ESRRB: variants seen among roughly 807,000 people sequenced by gnomAD.
ESRRB encodes steroid hormone receptor ERR2.
In ESRRB, 16 loss-of-function variants were observed where a neutral mutation model predicts 46.0. The observed-to-expected ratio is 0.35, with a 90% CI of 0.24 to 0.53. The LOEUF is 0.53. Ranked by LOEUF, ESRRB falls within the 20% of genes least tolerant of loss-of-function variation. The probability of loss-of-function intolerance (pLI) is 0.93; values close to 1 mark genes in which losing one functional copy is unlikely to be tolerated. For missense variants in ESRRB, 488 were observed against 607.4 expected, an observed-to-expected ratio of 0.80 and a Z score of 2.07; for synonymous variants, 246 against 259.6, an observed-to-expected ratio of 0.95 and a Z score of 0.50.
At position 76,498,844 on chromosome 14, in the gene ESRRB, C is replaced by T. The variant is rs748591843; in HGVS notation, c.*386C>T. 1.8e-6 allele frequency: 1 copy of T among 548,692 alleles called. No individual in the cohort carries two copies. The highest frequency in any genetic ancestry group is 1.9e-5 in the African/African-American group (1 of 52,498). The allele number at this position is 548,692 out of a possible 1,614,324, so 34.0% of individuals were successfully genotyped here. On this transcript the variant is annotated 3_prime_UTR_variant, in exon 7 of 7. Coordinates refer to ENST00000644823, the MANE Select transcript of ESRRB (RefSeq NM_001379180.1). ...TTCCTAACTCCCTTGCCCCCTCCCCCATCTGTGGCCTGGGTGGGCACTGCT... is the reference window on the plus strand; with the variant it reads ...TTCCTAACTCCCTTGCCCCCTCCCCTATCTGTGGCCTGGGTGGGCACTGCT...
At chr14:76,327,634 T>G (rs1413237428) in intron 1 of ESRRB, among the ~76,000 whole-genome samples, 1 of 152,138 alleles carries the variant, frequency 6.6e-6, no homozygotes, top group Non-Finnish European at 1.5e-5. Flanking sequence ...ATGAGTAGCC[T>G]ATGGCTTACG....
chr14:76,467,187 T>A (rs1167483481), intron 3 of ESRRB, among the ~76,000 whole-genome samples: 1 of 151,994 alleles, frequency 6.6e-6, no homozygotes, highest in Non-Finnish European at 1.5e-5. Context: ...TCAGCTCCCT[T>A]GATGCGTTAA....
At chr14:76,488,490 C>T (rs969623803) in intron 5 of ESRRB, among the ~76,000 whole-genome samples, 2 of 152,202 alleles carry the variant, frequency 1.3e-5, no homozygotes, top group Non-Finnish European at 1.5e-5. Flanking sequence ...TAACCCTGAA[C>T]CTGAGTCCAA....
At chr14:76,376,025 C>G (rs989629724), upstream of ESRRB, 4 of 133,848 alleles carry the variant, frequency 3.0e-5, no homozygotes, top group Admixed American at 1.6e-4. This position sits in a 1 kb window ranked among gnomAD's most constrained non-coding sequence, Gnocchi z 4.1. Flanking sequence ...CCCCTCCCCC[C>G]ACCCCAGCTT....
intron 1 of ESRRB, among the ~76,000 whole-genome samples, chr14:76,325,872 TC>T (rs1292514838): frequency 1.3e-5 from 2 of 152,170 alleles, no homozygotes; most frequent in African/African-American, 4.8e-5. Context: ...CTTGAGTGTC[TC>T]CCTGAGTGAA....
chr14:76,392,336 T>C (rs751837059), intron 1 of ESRRB, among the ~76,000 whole-genome samples: 4 of 152,168 alleles, frequency 2.6e-5, no homozygotes, highest in Non-Finnish European at 4.4e-5. Flanking sequence ...AGTAGATTTT[T>C]GGGAGTGCTA....
chr14:76,474,472 A>G (rs1447960336), intron 3 of ESRRB, among the ~76,000 whole-genome samples: 1 of 152,246 alleles, frequency 6.6e-6, no homozygotes, highest in Admixed American at 6.5e-5. Flanking sequence ...ATTGTGGCAA[A>G]ATATACGTCA....
At chr14:76,479,188 C>T (rs936562366) in intron 3 of ESRRB, among the ~76,000 whole-genome samples, 4 of 151,988 alleles carry the variant, frequency 2.6e-5, no homozygotes, top group African/African-American at 9.7e-5. Context: ...GGAGACTGCT[C>T]CTGCCCACAC....
At chr14:76,399,790 G>A (rs116093914) in intron 1 of ESRRB, among the ~76,000 whole-genome samples, 5 of 152,288 alleles carry the variant, frequency 3.3e-5, no homozygotes, top group African/African-American at 9.6e-5. Flanking sequence ...AGGGGACAGC[G>A]CTCACTAGGG....
At position 76,439,430 on chromosome 14, in the gene ESRRB, G is replaced by A. The variant is rs1177525479; in HGVS notation, c.140G>A (p.Gly47Asp). ...ACTGAGCCGTCCAGCCCGTCCTCGG[G>A]CATCGATGCCCTCAGCCACCACAGC... ...IKTEPSSPSS[G>D]IDALSHHSPS... Residue 47 changes from glycine to aspartate, a missense_variant, in exon 2 of 7, where the codon GGC becomes GAC. Coordinates refer to ENST00000644823, the MANE Select transcript of ESRRB (RefSeq NM_001379180.1). The A allele has an allele frequency of 6.2e-7, 1 of 1,613,546 alleles. No homozygotes were observed. The highest frequency in any genetic ancestry group is 8.5e-7 in the Non-Finnish European group (1 of 1,179,898).
At chr14:76,364,838 A>C (rs113860489) in intron 1 of ESRRB, among the ~76,000 whole-genome samples, 43 of 152,336 alleles carry the variant, frequency 2.8e-4, no homozygotes, top group African/African-American at 1.0e-3. Context: ...GACCTCAAGC[A>C]TGTGACACCA....
chr14:76,323,653 G>C (rs915185376), intron 1 of ESRRB, among the ~76,000 whole-genome samples: 2 of 152,188 alleles, frequency 1.3e-5, no homozygotes, highest in African/African-American at 2.4e-5. Flanking sequence ...TCCCATGCTG[G>C]GGAGGGGAGG....
intron 1 of ESRRB, among the ~76,000 whole-genome samples, chr14:76,314,275 C>T (rs1163824301): frequency 1.3e-5 from 2 of 152,192 alleles, no homozygotes; most frequent in Admixed American, 1.3e-4. Flanking sequence ...AGCTCTGAAG[C>T]TGAAGTCAGC....
intron 1 of ESRRB, among the ~76,000 whole-genome samples, chr14:76,432,352 C>A (rs1887483987): frequency 6.6e-6 from 1 of 152,218 alleles, no homozygotes; most frequent in South Asian, 2.1e-4. Context: ...GGAGATGGGG[C>A]CCGCTTGCAT....
intron 1 of ESRRB, among the ~76,000 whole-genome samples, chr14:76,424,503 G>A (rs1285736098): frequency 6.6e-6 from 1 of 152,230 alleles, no homozygotes; most frequent in Non-Finnish European, 1.5e-5. Context: ...CCCCTTCGTT[G>A]TGTGGGCCTG....
At chr14:76,409,992 G>T (rs12895519) in intron 1 of ESRRB, among the ~76,000 whole-genome samples, 2 of 152,156 alleles carry the variant, frequency 1.3e-5, no homozygotes, top group African/African-American at 2.4e-5. Flanking sequence ...GAGAGGCTGA[G>T]GGGGGTGGAT....
At chr14:76,398,583 G>T (rs1448163783) in intron 1 of ESRRB, among the ~76,000 whole-genome samples, 1 of 152,164 alleles carries the variant, frequency 6.6e-6, no homozygotes, top group African/African-American at 2.4e-5. Flanking sequence ...TGGAAGGAGG[G>T]TAGGGCTGTG....
At chr14:76,331,863 G>A (rs1884017449) in intron 1 of ESRRB, among the ~76,000 whole-genome samples, 1 of 147,022 alleles carries the variant, frequency 6.8e-6, no homozygotes, top group Non-Finnish European at 1.5e-5. Flanking sequence ...GAGTCCCCCA[G>A]CCCCGATCTT....
chr14:76,380,595 G>A (rs1014584483), intron 1 of ESRRB, among the ~76,000 whole-genome samples: 2 of 152,100 alleles, frequency 1.3e-5, no homozygotes, highest in Non-Finnish European at 2.9e-5. Context: ...GGCCATCATC[G>A]AGTCTCTGTC....
Sources: allele counts gnomAD v4.1 joint callset (sites outside exome capture counted in the v4.1 genomes callset), GRCh38; gene constraint gnomAD v4.1.1; non-coding constraint Gnocchi (gnomAD v3.1); transcripts MANE v1.5; gene names NCBI Gene and HGNC (gene_info 2026-07-23, HGNC 2026-07-21).